The following FBXL7 variants were observed in gnomAD, a reference collection of about 807,000 sequenced individuals.
FBXL7 encodes F-box/LRR-repeat protein 7.
Under a neutral mutation model 38.3 loss-of-function variants are expected in FBXL7, and 12 were observed. The observed-to-expected ratio is 0.31, with a 90% CI of 0.20 to 0.51. The LOEUF is 0.51. Ranked by LOEUF, FBXL7 falls within the 20% of genes least tolerant of loss-of-function variation. FBXL7 has a pLI of 0.98. For missense variants in FBXL7, 567 were observed against 676.4 expected (o/e 0.84, Z 1.79); for synonymous variants, 297 against 300.9 (o/e 0.99, Z 0.13).
At chr5:15,794,944 C>CTGTTT (rs919296871) in intron 2 of FBXL7, among the ~76,000 whole-genome samples, 18 of 152,150 alleles carry the variant, frequency 1.2e-4, no homozygotes, top group South Asian at 4.1e-4. Context: ...TACTTTTCAA[C>CTGTTT]TGTTTTGTTT....
intron 2 of FBXL7, among the ~76,000 whole-genome samples, chr5:15,773,058 AT>A (rs565826322): frequency 1.8e-4 from 27 of 151,928 alleles, no homozygotes; most frequent in African/African-American, 6.3e-4. Flanking sequence ...CACCTGGCTA[AT>A]TTTTTTTAAA....
intron 2 of FBXL7, among the ~76,000 whole-genome samples, chr5:15,724,527 C>G (rs944268919): frequency 1.3e-5 from 2 of 152,260 alleles, no homozygotes; most frequent in South Asian, 4.2e-4. Flanking sequence ...TCCAGGAAAC[C>G]ATGAATTCAC....
At chr5:15,674,203 G>A (rs991989041) in intron 2 of FBXL7, among the ~76,000 whole-genome samples, 2 of 152,156 alleles carry the variant, frequency 1.3e-5, no homozygotes, top group African/African-American at 4.8e-5. Context: ...CTGGGATCAC[G>A]CCAGGCTCAA....
intron 2 of FBXL7, among the ~76,000 whole-genome samples, chr5:15,616,804 C>T (rs1411416955): frequency 6.6e-6 from 1 of 152,172 alleles, no homozygotes; most frequent in Non-Finnish European, 1.5e-5. Context: ...GATTAAATGA[C>T]TTTCTGTCTG....
intron 2 of FBXL7, among the ~76,000 whole-genome samples, chr5:15,887,176 A>G (rs1740712475): frequency 6.6e-6 from 1 of 152,188 alleles, no homozygotes; most frequent in Non-Finnish European, 1.5e-5. Flanking sequence ...TAAGGACTGG[A>G]CTTGACAAGA....
At chr5:15,723,764 G>C (rs1006346265) in intron 2 of FBXL7, among the ~76,000 whole-genome samples, 8 of 152,244 alleles carry the variant, frequency 5.3e-5, no homozygotes, top group South Asian at 2.1e-4. Flanking sequence ...CAACTGACTT[G>C]GAAAATTTTG....
chr5:15,781,430 T>A (rs200738703), intron 2 of FBXL7, among the ~76,000 whole-genome samples: 2 of 145,068 alleles, frequency 1.4e-5, no homozygotes, highest in East Asian at 4.5e-4. Flanking sequence ...AGAAATTGTG[T>A]GAGTGTGTGT....
chr5:15,503,876 G>A (rs1736569647), intron 1 of FBXL7, among the ~76,000 whole-genome samples: 1 of 152,190 alleles, frequency 6.6e-6, no homozygotes, highest in African/African-American at 2.4e-5. Flanking sequence ...AAATATTGTT[G>A]AATTATTAGA....
At chr5:15,847,479 A>T (rs1179256621) in intron 2 of FBXL7, among the ~76,000 whole-genome samples, 1 of 152,140 alleles carries the variant, frequency 6.6e-6, no homozygotes. Flanking sequence ...ACTACAATTC[A>T]AGATGAGATT....
chr5:15,630,892 T>C (rs1422079661), intron 2 of FBXL7, among the ~76,000 whole-genome samples: 1 of 152,126 alleles, frequency 6.6e-6, no homozygotes, highest in Non-Finnish European at 1.5e-5. Flanking sequence ...ATACAAGTAA[T>C]TTTTTTCTCT....
At chr5:15,881,214 A>G (rs1039126067) in intron 2 of FBXL7, among the ~76,000 whole-genome samples, 1 of 152,094 alleles carries the variant, frequency 6.6e-6, no homozygotes, top group African/African-American at 2.4e-5. Context: ...AGTTCATTGT[A>G]TCATTCTTAT....
At chr5:15,700,724 G>A (rs1743495015) in intron 2 of FBXL7, among the ~76,000 whole-genome samples, 1 of 152,102 alleles carries the variant, frequency 6.6e-6, no homozygotes, top group Non-Finnish European at 1.5e-5. Flanking sequence ...AACAAACTTG[G>A]TTGATACTTT....
intron 2 of FBXL7, among the ~76,000 whole-genome samples, chr5:15,861,476 G>T (rs1350303815): frequency 6.6e-6 from 1 of 152,162 alleles, no homozygotes; most frequent in Admixed American, 6.5e-5. Context: ...CAGTTGCACG[G>T]ACACCCAACA....
At chr5:15,734,905 A>G (rs4289558) in intron 2 of FBXL7, among the ~76,000 whole-genome samples, 83,422 of 151,564 alleles carry the variant, frequency 0.55, 23,050 homozygotes, top group East Asian at 0.67. Flanking sequence ...TTTGTACTCT[A>G]TTAGACAACA....
intron 2 of FBXL7, among the ~76,000 whole-genome samples, chr5:15,793,041 A>G (rs953877641): frequency 6.6e-6 from 1 of 152,152 alleles, no homozygotes; most frequent in African/African-American, 2.4e-5. Context: ...CTGCGTGTGC[A>G]AGCTGCATGC....
intron 1 of FBXL7, among the ~76,000 whole-genome samples, chr5:15,541,659 C>G (rs1737758306): frequency 6.7e-6 from 1 of 150,246 alleles, no homozygotes; most frequent in Non-Finnish European, 1.5e-5. Context: ...ATTCTCGTGC[C>G]TCAGCCTCCC....
intron 3 of FBXL7, among the ~76,000 whole-genome samples, chr5:15,933,525 G>A (rs1482058765): frequency 6.6e-6 from 1 of 152,158 alleles, no homozygotes; most frequent in Non-Finnish European, 1.5e-5. Flanking sequence ...CCTCAAGAAA[G>A]AAACTCAAAA....
chr5:15,861,110 T>C (rs534645528), intron 2 of FBXL7, among the ~76,000 whole-genome samples: 26 of 152,316 alleles, frequency 1.7e-4, no homozygotes, highest in African/African-American at 5.1e-4. Flanking sequence ...CTTACCAAGA[T>C]AATAGGTGGT....
intron 2 of FBXL7, among the ~76,000 whole-genome samples, chr5:15,679,577 T>TC (rs1215100072): frequency 1.6e-5 from 2 of 122,812 alleles, no homozygotes; most frequent in African/African-American, 3.0e-5. Flanking sequence ...TTTTTTTTTT[T>TC]CAGAATGGTG....
Sources: allele counts gnomAD v4.1 joint callset (sites outside exome capture counted in the v4.1 genomes callset), GRCh38; gene constraint gnomAD v4.1.1; transcripts MANE v1.5; gene names NCBI Gene and HGNC (gene_info 2026-07-23, HGNC 2026-07-21).